The following PARD3 variants were observed in gnomAD, a reference collection of about 807,000 sequenced individuals.
PARD3 encodes par-3 family cell polarity regulator.
Under a neutral mutation model 155.4 loss-of-function variants are expected in PARD3, and 75 were observed. The ratio of observed to expected loss-of-function variants is 0.48; its 90% CI spans 0.40 to 0.58. The LOEUF is 0.58. Among genes scored for constraint, PARD3 ranks in the 20% least tolerant of loss-of-function variants. The pLI, the probability that PARD3 is intolerant of heterozygous loss-of-function variation, is 0.00. For synonymous variants in PARD3, 576 were observed against 610.5 expected, an observed-to-expected ratio of 0.94 and a Z score of 0.83; for missense variants, 1,642 against 1,721.7, an observed-to-expected ratio of 0.95 and a Z score of 0.82.
chr10:34,702,344 C>T (rs971212602), intron 1 of PARD3, among the ~76,000 whole-genome samples: 3 of 151,738 alleles, frequency 2.0e-5, no homozygotes, highest in Non-Finnish European at 2.9e-5. Context: ...CACAGTAAGA[C>T]CGTGTCTCAG....
chr10:34,494,400 A>G (rs1314922989), intron 3 of PARD3, among the ~76,000 whole-genome samples: 2 of 152,260 alleles, frequency 1.3e-5, no homozygotes, highest in Admixed American at 6.5e-5. Context: ...TGAACAAAAC[A>G]TACCAGTATT....
intron 20 of PARD3, among the ~76,000 whole-genome samples, chr10:34,302,921 G>A (rs1454754403): frequency 6.6e-6 from 1 of 152,034 alleles, no homozygotes; most frequent in Non-Finnish European, 1.5e-5. Flanking sequence ...TGACTGCCAC[G>A]TCTCCTGTAT....
At chr10:34,204,106 A>G (rs1951348978) in intron 22 of PARD3, among the ~76,000 whole-genome samples, 1 of 152,190 alleles carries the variant, frequency 6.6e-6, no homozygotes, top group Non-Finnish European at 1.5e-5. Context: ...AGGTATGTAG[A>G]AAGGTAAGTA....
chr10:34,738,311 T>C (rs2094951285), intron 1 of PARD3, among the ~76,000 whole-genome samples: 1 of 152,194 alleles, frequency 6.6e-6, no homozygotes, highest in Non-Finnish European at 1.5e-5. Context: ...TGGTACTAGA[T>C]CCATCTACTC....
chr10:34,519,872 T>TAACAC (rs1196688181), intron 2 of PARD3, among the ~76,000 whole-genome samples: 363 of 146,446 alleles, frequency 2.5e-3, no homozygotes, highest in African/African-American at 8.8e-3. Flanking sequence ...TAACATAACA[T>TAACAC]AACATAACAT....
At chr10:34,700,318 T>C (rs2094251127) in intron 1 of PARD3, among the ~76,000 whole-genome samples, 1 of 152,180 alleles carries the variant, frequency 6.6e-6, no homozygotes, top group Non-Finnish European at 1.5e-5. Flanking sequence ...GAAGCAGAGG[T>C]AACTCTACAA....
intron 22 of PARD3, among the ~76,000 whole-genome samples, chr10:34,254,111 G>A (rs1954497598): frequency 6.6e-6 from 1 of 152,228 alleles, no homozygotes; most frequent in Non-Finnish European, 1.5e-5. Context: ...GCCGGGAGTG[G>A]TGGCTCACTC....
intron 3 of PARD3, among the ~76,000 whole-genome samples, chr10:34,513,675 G>A (rs2081538116): frequency 6.6e-6 from 1 of 152,198 alleles, no homozygotes; most frequent in African/African-American, 2.4e-5. Flanking sequence ...TCAGGATACT[G>A]TTCAATATAC....
intron 4 of PARD3, 80 bp downstream of exon 4, chr10:34,470,005 A>T: frequency 8.4e-7 from 1 of 1,186,090 alleles, no homozygotes; most frequent in Non-Finnish European, 1.2e-6. Context: ...CCAATGGTTT[A>T]CCCAAGACAC....
chr10:34,269,220 T>A (rs142935719), intron 22 of PARD3, among the ~76,000 whole-genome samples: 40 of 152,258 alleles, frequency 2.6e-4, no homozygotes, highest in African/African-American at 8.7e-4. Flanking sequence ...TTTCATAATA[T>A]AAAGTTATGC....
At chr10:34,561,542 G>A (rs1014960155) in intron 2 of PARD3, among the ~76,000 whole-genome samples, 2 of 151,254 alleles carry the variant, frequency 1.3e-5, no homozygotes, top group South Asian at 4.2e-4. Flanking sequence ...TTTTTGAGAT[G>A]GAGTTTCATT....
At chr10:34,491,998 T>C (rs1268714310) in intron 3 of PARD3, among the ~76,000 whole-genome samples, 3 of 152,130 alleles carry the variant, frequency 2.0e-5, no homozygotes, top group Non-Finnish European at 4.4e-5. Context: ...GACAACAATA[T>C]TGAAAATCAT....
At chr10:34,395,201 A>G (rs546924640) in intron 7 of PARD3, among the ~76,000 whole-genome samples, 16 of 151,938 alleles carry the variant, frequency 1.1e-4, no homozygotes, top group Non-Finnish European at 2.1e-4. Context: ...TGCCCAGCTA[A>G]TTTTTGTATT....
At chr10:34,163,363 C>T (rs756924026) in intron 22 of PARD3, among the ~76,000 whole-genome samples, 6 of 152,090 alleles carry the variant, frequency 3.9e-5, no homozygotes, top group Non-Finnish European at 5.9e-5. Context: ...GGCATATATG[C>T]TGGTTCTTAA....
At chr10:34,470,364 T>C (rs573805142) in intron 3 of PARD3, 101 bp from the exon 4 acceptor site, 2 of 883,934 alleles carry the variant, frequency 2.3e-6, no homozygotes, top group Admixed American at 5.9e-5. Context: ...GGAACAGAAT[T>C]ACACTTTTGT....
chr10:34,645,359 C>A (rs2092806154), intron 2 of PARD3, among the ~76,000 whole-genome samples: 1 of 151,916 alleles, frequency 6.6e-6, no homozygotes, highest in Non-Finnish European at 1.5e-5. Flanking sequence ...GCGCATACCA[C>A]CACGCCCAAC....
At chr10:34,601,390 A>G (rs540883645) in intron 2 of PARD3, among the ~76,000 whole-genome samples, 8 of 152,264 alleles carry the variant, frequency 5.3e-5, no homozygotes, top group African/African-American at 7.2e-5. Context: ...GCAGTGAGCT[A>G]TAAGTGCGCC....
chr10:34,647,387 G>A (rs529129851), intron 2 of PARD3, among the ~76,000 whole-genome samples: 2 of 152,174 alleles, frequency 1.3e-5, no homozygotes, highest in Non-Finnish European at 2.9e-5. Flanking sequence ...CAAAGTGTCC[G>A]TTTTGCACGG....
intron 2 of PARD3, among the ~76,000 whole-genome samples, chr10:34,535,718 C>G (rs2083178615): frequency 6.6e-6 from 1 of 151,874 alleles, no homozygotes; most frequent in African/African-American, 2.4e-5. Context: ...TCAGGTGGTC[C>G]ACCAGCCTCA....
Sources: allele counts gnomAD v4.1 joint callset (sites outside exome capture counted in the v4.1 genomes callset), GRCh38; gene constraint gnomAD v4.1.1; transcripts MANE v1.5; gene names NCBI Gene and HGNC (gene_info 2026-07-23, HGNC 2026-07-21).